Variants in RPS6KA5 observed in about 807,000 individuals in gnomAD.
The protein encoded by RPS6KA5 is ribosomal protein S6 kinase alpha-5.
Under a neutral mutation model 85.5 loss-of-function variants are expected in RPS6KA5, and 27 were observed. The ratio of observed to expected loss-of-function variants is 0.32; its 90% CI spans 0.23 to 0.44. The LOEUF is 0.44. Among genes scored for constraint, RPS6KA5 ranks in the 20% least tolerant of loss-of-function variants. The pLI is 1.00. For synonymous variants in RPS6KA5, 334 were observed against 348.2 expected, an observed-to-expected ratio of 0.96 and a Z score of 0.46; for missense variants, 811 against 980.9, an observed-to-expected ratio of 0.83 and a Z score of 2.31.
chr14:90,899,645 T>C (rs2035046290), intron 11 of RPS6KA5, among the ~76,000 whole-genome samples: 1 of 152,184 alleles, frequency 6.6e-6, no homozygotes, highest in Non-Finnish European at 1.5e-5. Flanking sequence ...ACAAATCATA[T>C]GAGGAAATGA....
chr14:90,958,931 G>C (rs57048123), intron 3 of RPS6KA5, among the ~76,000 whole-genome samples: 1,871 of 152,128 alleles, frequency 0.012, 37 homozygotes, highest in African/African-American at 0.043. Context: ...AGGCCTCAGC[G>C]AGGTGACTTT....
At chr14:90,915,699 G>T (rs949449793) in intron 7 of RPS6KA5, among the ~76,000 whole-genome samples, 2 of 151,848 alleles carry the variant, frequency 1.3e-5, no homozygotes, top group Non-Finnish European at 1.5e-5. Flanking sequence ...CGAGCAACTG[G>T]GGAGGATGAG....
rs1011125984 is a variant in RPS6KA5 at position 90,923,020 on chromosome 14, G to A, written c.702+93C>T. ...GTAAGACAATCAACACCAGAAAGAC[G>A]GCTCTGTTGAAGAGATGACCTAAGT... On this transcript the variant is annotated intron_variant, in intron 6 of 16. Transcript: ENST00000614987. 14 of 844,426 alleles carry A rather than the reference G, an allele frequency of 1.7e-5. No homozygotes were observed. In the African/African-American group the frequency reaches 2.1e-4, roughly 13 times the overall value. The allele number at this position is 844,426 out of a possible 1,614,324, so 52.3% of individuals were successfully genotyped here.
At chr14:90,904,718 G>T (rs1158517301) in intron 8 of RPS6KA5, among the ~76,000 whole-genome samples, 1 of 152,176 alleles carries the variant, frequency 6.6e-6, no homozygotes, top group East Asian at 1.9e-4. Flanking sequence ...TCCATTTATA[G>T]AGAAAAAGGC....
chr14:90,943,976 C>A (rs1438571966), intron 4 of RPS6KA5, among the ~76,000 whole-genome samples: 2 of 152,206 alleles, frequency 1.3e-5, no homozygotes, highest in East Asian at 3.9e-4. Flanking sequence ...CCTCAGCCTC[C>A]AGAGTAGCTG....
intron 2 of RPS6KA5, among the ~76,000 whole-genome samples, chr14:90,990,780 T>G (rs1426154510): frequency 6.6e-6 from 1 of 151,994 alleles, no homozygotes; most frequent in Non-Finnish European, 1.5e-5. Context: ...AGCAAACTGA[T>G]GTAGGAAAAG....
intron 2 of RPS6KA5, among the ~76,000 whole-genome samples, chr14:90,989,669 A>T (rs1172947780): frequency 6.6e-6 from 1 of 152,180 alleles, no homozygotes; most frequent in African/African-American, 2.4e-5. Context: ...CAGAGAGATT[A>T]AAAAAGAAAT....
At chr14:90,902,666 A>T in intron 9 of RPS6KA5, 142 bp downstream of exon 9, 1 of 651,468 alleles carries the variant, frequency 1.5e-6, no homozygotes. Context: ...ACAATGTGCA[A>T]TATTTCTGCA....
chr14:90,961,737 C>T (rs185220856), intron 3 of RPS6KA5, among the ~76,000 whole-genome samples: 5 of 152,022 alleles, frequency 3.3e-5, no homozygotes, highest in Middle Eastern at 3.4e-3. Flanking sequence ...AATTATCGCT[C>T]ATAGATTTTA....
At chr14:91,025,092 T>C (rs2041937440) in intron 1 of RPS6KA5, among the ~76,000 whole-genome samples, 1 of 152,124 alleles carries the variant, frequency 6.6e-6, no homozygotes, top group African/African-American at 2.4e-5. Flanking sequence ...TCGCCCAGGC[T>C]GGAGTGCAGT....
intron 3 of RPS6KA5, among the ~76,000 whole-genome samples, chr14:90,965,311 T>C (rs557717175): frequency 2.0e-5 from 3 of 152,134 alleles, no homozygotes; most frequent in African/African-American, 7.2e-5. Flanking sequence ...GAGGTGGAGA[T>C]TGCAGTGAGC....
intron 1 of RPS6KA5, among the ~76,000 whole-genome samples, chr14:91,057,633 G>A (rs903028834): frequency 6.6e-6 from 1 of 152,160 alleles, no homozygotes; most frequent in Non-Finnish European, 1.5e-5. Context: ...TACAGAAAAA[G>A]ATAACAGCCA....
At chr14:90,964,367 A>AT (rs1279390163) in intron 3 of RPS6KA5, among the ~76,000 whole-genome samples, 2 of 152,228 alleles carry the variant, frequency 1.3e-5, no homozygotes, top group African/African-American at 2.4e-5. Context: ...AAAATAATAT[A>AT]TAAAAAAATG....
At chr14:90,911,802 T>C (rs1046310800) in intron 7 of RPS6KA5, among the ~76,000 whole-genome samples, 1 of 152,224 alleles carries the variant, frequency 6.6e-6, no homozygotes, top group Non-Finnish European at 1.5e-5. Context: ...ACATTAATAG[T>C]ATATGTCTCT....
At chr14:90,955,145 T>A (rs1378377285) in intron 3 of RPS6KA5, among the ~76,000 whole-genome samples, 1 of 152,218 alleles carries the variant, frequency 6.6e-6, no homozygotes, top group Non-Finnish European at 1.5e-5. Context: ...AGTTTGCTTC[T>A]TTTTATGTAT....
Position 90,947,506 on chromosome 14 carries a change from CTCTT to C in RPS6KA5, c.435_438del (p.Arg146SerfsTer47). The C allele has an allele frequency of 2.5e-6, 4 of 1,612,516 alleles. No homozygotes were observed. The highest frequency in any genetic ancestry group is 3.4e-6 in the Non-Finnish European group (4 of 1,178,716). ...TGCACCTCATGCTCTGTGAAACGCT[CTCTT>C]TGAGAAAGATGAGTAAAAAGTTCAC... is the stretch of plus-strand genomic sequence containing the variant. On this transcript the variant is annotated frameshift_variant, in exon 4 of 17. Transcript: ENST00000614987. LOFTEE classifies it high-confidence loss of function.
At chr14:90,932,579 C>T (rs1382612560) in intron 5 of RPS6KA5, among the ~76,000 whole-genome samples, 1 of 152,126 alleles carries the variant, frequency 6.6e-6, no homozygotes, top group Non-Finnish European at 1.5e-5. Flanking sequence ...TCGATGTGTC[C>T]ACTCCCTTCC....
chr14:90,976,200 C>CAGA (rs1243395424), intron 3 of RPS6KA5, among the ~76,000 whole-genome samples: 260 of 24,438 alleles, frequency 0.011, 4 homozygotes, highest in Non-Finnish European at 0.015. Context: ...GTTAAGAGAA[C>CAGA]AGAAAAAAAA....
chr14:91,021,037 C>A (rs574588244), intron 1 of RPS6KA5, among the ~76,000 whole-genome samples: 1 of 152,202 alleles, frequency 6.6e-6, no homozygotes, highest in Admixed American at 6.5e-5. Context: ...AAAGTGATGT[C>A]CAGTTTATCC....
Sources: allele counts gnomAD v4.1 joint callset (sites outside exome capture counted in the v4.1 genomes callset), GRCh38; gene constraint gnomAD v4.1.1; transcripts MANE v1.5; gene names NCBI Gene and HGNC (gene_info 2026-07-23, HGNC 2026-07-21).